The following BAG4 variants were observed in gnomAD, a reference collection of about 807,000 sequenced individuals.
The protein encoded by BAG4 is BAG cochaperone 4.
A neutral mutation model predicts 52.1 loss-of-function variants in BAG4; 28 were observed. That is an observed-to-expected ratio of 0.54 (90% CI 0.40 to 0.74). The LOEUF is 0.74. Among genes scored for constraint, BAG4 ranks in the 30% least tolerant of loss-of-function variants. The pLI, the probability that BAG4 is intolerant of heterozygous loss-of-function variation, is 0.00. For missense variants in BAG4, 525 were observed against 572.0 expected (o/e 0.92, Z 0.84); for synonymous variants, 208 against 217.0 (o/e 0.96, Z 0.37).
At chr8:38,185,697 T>C (rs753405991) in intron 1 of BAG4, among the ~76,000 whole-genome samples, 1 of 152,132 alleles carries the variant, frequency 6.6e-6, no homozygotes, top group Non-Finnish European at 1.5e-5. Context: ...CCTGAGTGGC[T>C]GGGGTTTCAG....
At chr8:38,206,885 A>G (rs776192686) in intron 2 of BAG4, among the ~76,000 whole-genome samples, 4 of 151,710 alleles carry the variant, frequency 2.6e-5, no homozygotes, top group African/African-American at 9.7e-5. Context: ...GGCTCAAGCA[A>G]TCCTCTCACC....
chr8:38,190,766 T>C (rs1803460570), intron 1 of BAG4, among the ~76,000 whole-genome samples: 1 of 150,618 alleles, frequency 6.6e-6, no homozygotes, highest in Non-Finnish European at 1.5e-5. Flanking sequence ...TGTCTTTTTT[T>C]TTTTTTTTGA....
At chr8:38,193,519 C>G (rs1585657881) in intron 2 of BAG4, among the ~76,000 whole-genome samples, 1 of 152,174 alleles carries the variant, frequency 6.6e-6, no homozygotes. Context: ...AGAAGTAAAC[C>G]AAATACAATT....
chr8:38,199,448 T>G lies in BAG4; in HGVS notation c.378+6653T>G, dbSNP rs116938045. ...AAGTGCAATTTTTTTGTTTTTTATT[T>G]TGTTGCTCCTGCTTTTGATGTCTTA... On this transcript the variant is annotated intron_variant, in intron 2 of 4. Transcript: ENST00000287322. Among the ~76,000 whole-genome samples the G allele has an allele frequency of 7.4e-4, 112 of 152,350 alleles. No individual in the cohort carries two copies. The East Asian group carries it at 0.018, about 25-fold the overall frequency.
intron 2 of BAG4, among the ~76,000 whole-genome samples, chr8:38,197,072 ACT>A (rs1563282717): frequency 6.6e-6 from 1 of 152,036 alleles, no homozygotes; most frequent in Non-Finnish European, 1.5e-5. Context: ...ACAGAGCAAG[ACT>A]CTGTCTCAAA....
rs1803873549 is a variant in BAG4 at position 38,211,902 on chromosome 8, A to G, written c.*1409A>G. ...ACACAATATTGGTTCTTGGAAAAATAGCTGTTTCTTCATAAGATACCCAAG... is the reference window on the plus strand; with the variant it reads ...ACACAATATTGGTTCTTGGAAAAATGGCTGTTTCTTCATAAGATACCCAAG... On this transcript the variant is annotated 3_prime_UTR_variant, in exon 5 of 5. Coordinates refer to ENST00000287322, the MANE Select transcript of BAG4 (RefSeq NM_004874.4). The G allele has an allele frequency of 1.3e-5, 2 of 152,120 alleles. No homozygotes were observed. The highest frequency in any genetic ancestry group is 6.6e-5 in the Admixed American group (1 of 15,256). 9.4% of individuals were successfully genotyped at this position (152,120 alleles called of 1,614,324 possible).
At chr8:38,203,195 T>C (rs1168847894) in intron 2 of BAG4, among the ~76,000 whole-genome samples, 1 of 152,106 alleles carries the variant, frequency 6.6e-6, no homozygotes, top group Non-Finnish European at 1.5e-5. Context: ...CACAGGGGCC[T>C]GTTGTAGGAG....
At position 38,196,903 on chromosome 8, in the gene BAG4, C is replaced by G. The variant is rs1263285399; in HGVS notation, c.378+4108C>G. ...ACCAGCCTGGCCAACATGGTGAAAC[C>G]CCTTCACTACTAAAAATACAAAAAT... On this transcript the variant is annotated intron_variant, in intron 2 of 4. Transcript: ENST00000287322. 3.3e-5 allele frequency among the ~76,000 whole-genome samples: 5 copies of G among 151,876 alleles called. No individual in the cohort carries two copies. The East Asian group carries it at 9.8e-4, about 30-fold the overall frequency.
In BAG4 at chr8:38,207,766, G is replaced by A. The variant is rs776909542; in HGVS notation, c.633G>A (p.Gln211=). 80 of 1,613,430 alleles carry A rather than the reference G, an allele frequency of 5.0e-5. No individual in the cohort carries two copies. Among genetic ancestry groups the A allele is most frequent in the Admixed American group, 4.2e-4 (25 of 59,836 alleles). ...AGGTTCCAGGATATCCGCCTTCACA[G>A]GTGAGTTGTTTTCTATTGGGAAAAA... ...RGQVPGYPPS[Q]NPGMTLPHYP... Residue 211 remains glutamine, a splice_region_variant and synonymous_variant, in exon 3 of 5, where the codon CAG becomes CAA. Transcript: ENST00000287322.
At chr8:38,179,635 G>A (rs879493814) in intron 1 of BAG4, among the ~76,000 whole-genome samples, 1 of 151,556 alleles carries the variant, frequency 6.6e-6, no homozygotes, top group Admixed American at 6.6e-5. Flanking sequence ...GCATGGTGGC[G>A]GGCGCCTGTA....
intron 2 of BAG4, chr8:38,201,862 ATATATATATATATATATATTTTTTTTT>A (rs1803674155): frequency 3.2e-4 from 2 of 6,256 alleles, no homozygotes; most frequent in African/African-American, 4.8e-4. Flanking sequence ...ATATATATAT[ATATATATATATATATATATTTTTTTTT>A]TTTTTTTTTT....
intron 1 of BAG4, among the ~76,000 whole-genome samples, chr8:38,189,973 G>C (rs1803445619): frequency 6.6e-6 from 1 of 152,112 alleles, no homozygotes; most frequent in Admixed American, 6.5e-5. Flanking sequence ...TTTTAGTAGA[G>C]ATGGGGTTTC....
chr8:38,203,849 A>G (rs981304138), intron 2 of BAG4: 1 of 157,828 alleles, frequency 6.3e-6, no homozygotes, highest in African/African-American at 2.4e-5. Context: ...AAAAAAAAAA[A>G]AAAAGTCCTT....
intron 1 of BAG4, among the ~76,000 whole-genome samples, chr8:38,180,982 C>G (rs999120827): frequency 2.6e-5 from 4 of 151,070 alleles, no homozygotes; most frequent in African/African-American, 9.7e-5. Flanking sequence ...ACTCTGTTAC[C>G]CAGGCTGGAG....
chr8:38,181,184 G>T (rs956346936), intron 1 of BAG4, among the ~76,000 whole-genome samples: 5 of 150,640 alleles, frequency 3.3e-5, no homozygotes, highest in Non-Finnish European at 7.4e-5. Flanking sequence ...CTCGTGATCC[G>T]CCCGCCTTGG....
intron 3 of BAG4, among the ~76,000 whole-genome samples, chr8:38,208,315 T>TC (rs1803809488): frequency 6.9e-6 from 1 of 145,850 alleles, no homozygotes; most frequent in Non-Finnish European, 1.5e-5. Context: ...TTCTTTTTTT[T>TC]TTTTTTTTTT....
chr8:38,199,922 A>C (rs1429460638), intron 2 of BAG4, among the ~76,000 whole-genome samples: 1 of 152,036 alleles, frequency 6.6e-6, no homozygotes, highest in Non-Finnish European at 1.5e-5. Context: ...GTAAGGCCCA[A>C]GTTCACTGCT....
At chr8:38,201,544 C>T (rs1225989912) in intron 2 of BAG4, among the ~76,000 whole-genome samples, 1 of 151,936 alleles carries the variant, frequency 6.6e-6, no homozygotes, top group East Asian at 1.9e-4. Flanking sequence ...CTCAGGTGAT[C>T]CTTCTACCTC....
chr8:38,209,145 C>G lies in BAG4; in HGVS notation c.766C>G (p.Pro256Ala), dbSNP rs772047151. The change falls in exon 4 of 5, where the codon CCC becomes GCC. Residue 256 changes from proline to alanine, a missense_variant. By Grantham distance (27) the Pro-to-Ala change is conservative. Around this residue, in one of 2 missense-constraint regions of BAG4, gnomAD observed 238 missense variants for 305.8 expected, o/e 0.78. Transcript: ENST00000287322. ...TGCTTATGGAATGGGTGGCCGTTAT[C>G]CCTGGCCTTCATCAGCGCCCTCAGC... ...PGAYGMGGRY[P>A]WPSSAPSAPP... 5.0e-6 allele frequency: 8 copies of G among 1,614,120 alleles called. No homozygotes were observed. The South Asian group carries it at 8.8e-5, about 18-fold the overall frequency.
Sources: gnomAD v4.1 joint callset for allele counts (sites outside exome capture counted in the v4.1 genomes callset) on GRCh38, gnomAD v4.1.1 for gene constraint, gnomAD v4.1.1 regional missense constraint, MANE v1.5 for transcripts, NCBI Gene and HGNC (gene_info 2026-07-23, HGNC 2026-07-21) for gene names.